The following CXADR variants were observed in gnomAD, a reference collection of about 807,000 sequenced individuals.
CXADR encodes the protein coxsackievirus and adenovirus receptor.
CXADR carries 20 observed loss-of-function variants against 40.3 expected under a neutral mutation model. The observed-to-expected ratio is 0.50, with a 90% CI of 0.35 to 0.72. CXADR has a LOEUF of 0.72. Among genes scored for constraint, CXADR ranks in the 30% least tolerant of loss-of-function variants. The pLI is 0.01. For missense variants in CXADR, 332 were observed against 449.1 expected (o/e 0.74, Z 2.36); for synonymous variants, 150 against 161.3 (o/e 0.93, Z 0.53).
At chr21:17,560,864 A>G (rs538738917) in intron 5 of CXADR, 40 bp downstream of exon 5, 3 of 1,609,524 alleles carry the variant, frequency 1.9e-6, no homozygotes, top group Non-Finnish European at 2.5e-6. Context: ...TGTTTCTGTT[A>G]TCTTTATACC....
chr21:17,612,819 G>C, the CXADR span: 1 of 152,212 alleles, frequency 6.6e-6, no homozygotes, highest in Non-Finnish European at 1.5e-5. Flanking sequence ...AGCGAGCCTC[G>C]TCCGGCGCGT....
At chr21:17,599,547 G>A in the CXADR span, among the ~76,000 whole-genome samples, 13 of 146,874 alleles carry the variant, frequency 8.9e-5, no homozygotes, top group Non-Finnish European at 1.5e-4. Context: ...GTGCAATCTC[G>A]GCCCACTACA....
At chr21:17,522,919 CATATT>C (rs1353548785) in intron 1 of CXADR, among the ~76,000 whole-genome samples, 1 of 152,204 alleles carries the variant, frequency 6.6e-6, no homozygotes, top group African/African-American at 2.4e-5. Flanking sequence ...TCTTCTCTCT[CATATT>C]AATTGGCATT....
At chr21:17,571,550 G>A (rs536273403), downstream of CXADR, among the ~76,000 whole-genome samples, 106 of 152,188 alleles carry the variant, frequency 7.0e-4, no homozygotes, top group Middle Eastern at 3.4e-3. Flanking sequence ...TTATTATTCA[G>A]TAAAAATAGT....
At chr21:17,573,723 A>G (rs1327646896), downstream of CXADR, among the ~76,000 whole-genome samples, 3 of 152,302 alleles carry the variant, frequency 2.0e-5, no homozygotes, top group East Asian at 5.8e-4. Flanking sequence ...AGCCTGACCA[A>G]TGTGGTGAAA....
chr21:17,542,899 T>C (rs1002799714), intron 1 of CXADR: 17 of 175,974 alleles, frequency 9.7e-5, no homozygotes, highest in South Asian at 5.0e-4. Context: ...TTTTGTCTTA[T>C]GTAATTTGTG....
At chr21:17,609,642 A>G in the CXADR span, among the ~76,000 whole-genome samples, 6 of 152,276 alleles carry the variant, frequency 3.9e-5, no homozygotes, top group Non-Finnish European at 8.8e-5. Context: ...GAGTTATCAT[A>G]TGACACGGCC....
intron 7 of CXADR, chr21:17,593,001 T>C (rs1054234002): frequency 4.9e-5 from 27 of 552,934 alleles, no homozygotes; most frequent in African/African-American, 3.1e-4. Flanking sequence ...TATTAGCAAG[T>C]TGTGATTTTT....
chr21:17,552,664 T>C (rs1369776567), intron 3 of CXADR, among the ~76,000 whole-genome samples: 1 of 152,188 alleles, frequency 6.6e-6, no homozygotes, highest in Non-Finnish European at 1.5e-5. Flanking sequence ...AAATGTACAT[T>C]GGCTACCATG....
At chr21:17,598,024 T>C (rs950077792), downstream of CXADR, among the ~76,000 whole-genome samples, 10 of 152,184 alleles carry the variant, frequency 6.6e-5, no homozygotes, top group Non-Finnish European at 1.5e-4. Flanking sequence ...AAAATATCTT[T>C]CCTGTTGAAG....
At chr21:17,635,482 C>A in the CXADR span, among the ~76,000 whole-genome samples, 2 of 152,128 alleles carry the variant, frequency 1.3e-5, no homozygotes, top group Non-Finnish European at 2.9e-5. Context: ...TAATCCTACT[C>A]CATCCTCCCA....
chr21:17,620,427 C>T, the CXADR span, among the ~76,000 whole-genome samples: 1 of 152,178 alleles, frequency 6.6e-6, no homozygotes, highest in Non-Finnish European at 1.5e-5. Flanking sequence ...TGGTTCATGG[C>T]ACCTCATAAC....
downstream of CXADR, among the ~76,000 whole-genome samples, chr21:17,572,579 G>T (rs1208686639): frequency 6.6e-6 from 1 of 152,110 alleles, no homozygotes; most frequent in Non-Finnish European, 1.5e-5. Flanking sequence ...CCGCTGAATA[G>T]GTCTAGGGTG....
chr21:17,635,601 GT>G, the CXADR span, among the ~76,000 whole-genome samples: 3 of 152,068 alleles, frequency 2.0e-5, no homozygotes, highest in African/African-American at 7.2e-5. Flanking sequence ...AAATCAAAAA[GT>G]TTTTGAGCTG....
chr21:17,559,471 C>T (rs1301266723), intron 4 of CXADR, among the ~76,000 whole-genome samples: 1 of 151,580 alleles, frequency 6.6e-6, no homozygotes, highest in African/African-American at 2.4e-5. Flanking sequence ...AGGCATGAGC[C>T]CAGGCATGTG....
At chr21:17,594,206 G>T (rs1215512811), downstream of CXADR, 2 of 1,613,304 alleles carry the variant, frequency 1.2e-6, no homozygotes, top group Non-Finnish European at 1.7e-6. Context: ...TTTCTTCCCT[G>T]ATTTGGATAA....
intron 1 of CXADR, among the ~76,000 whole-genome samples, chr21:17,533,645 AG>A (rs1403739287): frequency 1.3e-5 from 2 of 152,112 alleles, no homozygotes; most frequent in Admixed American, 6.5e-5. Flanking sequence ...TAATACGTGT[AG>A]GGCATTTTGA....
the CXADR span, among the ~76,000 whole-genome samples, chr21:17,634,586 C>T: frequency 6.6e-6 from 1 of 152,212 alleles, no homozygotes; most frequent in Admixed American, 6.5e-5. Context: ...ATACTCTAGA[C>T]TGTTCTAGAA....
At chr21:17,520,853 C>T (rs1360748447) in intron 1 of CXADR, among the ~76,000 whole-genome samples, 2 of 152,070 alleles carry the variant, frequency 1.3e-5, no homozygotes, top group East Asian at 3.9e-4. Context: ...ATGTCACTAA[C>T]CTACGGGAAA....
Sources: allele counts gnomAD v4.1 joint callset (sites outside exome capture counted in the v4.1 genomes callset), GRCh38; gene constraint gnomAD v4.1.1; transcripts MANE v1.5; gene names NCBI Gene and HGNC (gene_info 2026-07-23, HGNC 2026-07-21).